The following GRIA2 variants were observed in gnomAD, a reference collection of about 807,000 sequenced individuals.
GRIA2 encodes the protein glutamate receptor 2.
GRIA2 carries 14 observed loss-of-function variants against 97.3 expected under a neutral mutation model. The observed-to-expected ratio is 0.14, with a 90% CI of 0.10 to 0.23. GRIA2 has a LOEUF of 0.23. GRIA2 is among the 10% of genes least tolerant of loss of function. The pLI is 1.00. For synonymous variants in GRIA2, 412 were observed against 387.8 expected (o/e 1.06, Z -0.73); for missense variants, 558 against 1,069.8 (o/e 0.52, Z 6.67).
intron 2 of GRIA2, among the ~76,000 whole-genome samples, chr4:157,225,899 G>A (rs928352012): frequency 2.6e-5 from 4 of 151,746 alleles, no homozygotes; most frequent in African/African-American, 9.7e-5. Flanking sequence ...GCAAATTTTA[G>A]GAAAATACTA....
At chr4:157,272,734 C>A (rs1416926152) in intron 2 of GRIA2, among the ~76,000 whole-genome samples, 1 of 152,050 alleles carries the variant, frequency 6.6e-6, no homozygotes, top group Non-Finnish European at 1.5e-5. Flanking sequence ...TTCACCAAAG[C>A]CTGATCTTTT....
At chr4:157,321,718 G>A (rs1440190097) in intron 6 of GRIA2, 119 bp downstream of exon 6, 9 of 633,308 alleles carry the variant, frequency 1.4e-5, no homozygotes, top group Non-Finnish European at 2.5e-5. Flanking sequence ...TCAAAATATG[G>A]CAAACATATT....
chr4:157,297,956 A>C (rs1733426027), intron 2 of GRIA2, among the ~76,000 whole-genome samples: 1 of 152,076 alleles, frequency 6.6e-6, no homozygotes, highest in South Asian at 2.1e-4. Flanking sequence ...GATGACAGCT[A>C]GGGTGATGAT....
intron 1 of GRIA2, chr4:157,221,464 C>A (rs1729489192): frequency 1.2e-5 from 7 of 591,904 alleles, no homozygotes; most frequent in South Asian, 2.2e-5. Flanking sequence ...GGCCGCCTAC[C>A]TCGCCTTCAG....
chr4:157,351,929 C>A (rs72962896), intron 12 of GRIA2, among the ~76,000 whole-genome samples: 1 of 152,202 alleles, frequency 6.6e-6, no homozygotes, highest in South Asian at 2.1e-4. Context: ...TTATAAATTA[C>A]GCAGTCTTGT....
At position 157,230,701 on chromosome 4, in the gene GRIA2, C is replaced by A. The variant is rs189295288; in HGVS notation, c.229+8894C>A. On this transcript the variant is annotated intron_variant, in intron 2 of 15. Coordinates refer to ENST00000264426, the MANE Select transcript of GRIA2 (RefSeq NM_001083619.3). ...CTTAGTTTGCATGTCTGTGGTCAAT[C>A]TTCTATATTAACCTTGAGCTACTAT... Among the ~76,000 whole-genome samples the A allele has an allele frequency of 2.0e-5, 3 of 151,822 alleles. No homozygotes were observed. In the East Asian group the frequency reaches 5.8e-4, roughly 29 times the overall value.
At chr4:157,237,289 G>GTT (rs541148827) in intron 2 of GRIA2, among the ~76,000 whole-genome samples, 8 of 142,360 alleles carry the variant, frequency 5.6e-5, no homozygotes, top group South Asian at 2.2e-4. Context: ...AAATGTATAA[G>GTT]TTTTTTTTTT....
chr4:157,247,195 C>A (rs1332505262), intron 2 of GRIA2, among the ~76,000 whole-genome samples: 2 of 152,100 alleles, frequency 1.3e-5, no homozygotes, highest in African/African-American at 4.8e-5. Flanking sequence ...TTGTGCCAGC[C>A]TCTGTTAGGA....
Position 157,365,861 on chromosome 4 carries a change from G to A in GRIA2, c.*2430G>A, listed in dbSNP as rs1378023456. On this transcript the variant is annotated 3_prime_UTR_variant, in exon 16 of 16. Coordinates refer to ENST00000264426, the MANE Select transcript of GRIA2 (RefSeq NM_001083619.3). ...ACTGTACTTTTTTGTTTACAGTATA[G>A]TACCTTATTTTCTGCTGTGTTAAGT... 6.6e-6 allele frequency: 1 copy of A among 151,670 alleles called. No individual in the cohort carries two copies. Among genetic ancestry groups the A allele is most frequent in the African/African-American group, 2.4e-5 (1 of 41,318 alleles). 9.4% of individuals were successfully genotyped at this position (151,670 alleles called of 1,614,324 possible). A position where few individuals can be genotyped will look rare whatever the true frequency, so the allele number is the denominator to read the frequency against.
chr4:157,290,466 T>C (rs1178202800), intron 2 of GRIA2, among the ~76,000 whole-genome samples: 3 of 150,456 alleles, frequency 2.0e-5, no homozygotes, highest in South Asian at 2.1e-4. Context: ...AAGATTCGTA[T>C]TCAAAAACTC....
chr4:157,341,528 C>T (rs933157533), intron 12 of GRIA2, 66 bp downstream of exon 12: 15 of 1,082,982 alleles, frequency 1.4e-5, no homozygotes, highest in Non-Finnish European at 1.7e-5. Context: ...AACTTTGTTT[C>T]CCTCCCATAG....
intron 2 of GRIA2, among the ~76,000 whole-genome samples, chr4:157,268,314 A>C (rs951707873): frequency 1.3e-5 from 2 of 152,042 alleles, no homozygotes; most frequent in African/African-American, 4.8e-5. Context: ...TTCATGTTCT[A>C]GAAGTTAATA....
intron 2 of GRIA2, among the ~76,000 whole-genome samples, chr4:157,270,878 C>A (rs1731990668): frequency 6.7e-6 from 1 of 150,310 alleles, no homozygotes; most frequent in Non-Finnish European, 1.5e-5. Flanking sequence ...ACTCTCAATT[C>A]AGTTGCTGGG....
At chr4:157,356,808 C>T (rs145326763) in intron 12 of GRIA2, among the ~76,000 whole-genome samples, 1 of 151,792 alleles carries the variant, frequency 6.6e-6, no homozygotes, top group African/African-American at 2.4e-5. Flanking sequence ...GGAGTGGATC[C>T]GATGATTGTA....
chr4:157,287,355 T>C (rs1262132382), intron 2 of GRIA2, among the ~76,000 whole-genome samples: 1 of 151,730 alleles, frequency 6.6e-6, no homozygotes, highest in Non-Finnish European at 1.5e-5. Flanking sequence ...GTAATATTGC[T>C]GTTTTTTATT....
intron 2 of GRIA2, among the ~76,000 whole-genome samples, chr4:157,227,023 C>T (rs577378616): frequency 3.3e-5 from 5 of 152,002 alleles, no homozygotes; most frequent in Admixed American, 2.0e-4. Context: ...AAAATGAGTG[C>T]GTATTAAGTA....
intron 4 of GRIA2, among the ~76,000 whole-genome samples, chr4:157,313,408 G>A (rs1734171177): frequency 1.3e-5 from 2 of 152,030 alleles, no homozygotes; most frequent in Admixed American, 1.3e-4. Flanking sequence ...TATGTAGGAA[G>A]GACACATTTG....
chr4:157,342,183 T>C (rs529541052), intron 12 of GRIA2: 1 of 968,210 alleles, frequency 1.0e-6, no homozygotes, highest in South Asian at 4.8e-5. Context: ...AGCCAATATA[T>C]GTGACATATA....
In GRIA2 at chr4:157,333,348, C is replaced by T. The variant is rs766785821; in HGVS notation, c.1150C>T (p.Arg384Trp). ...NIMELKTNGP[R>W]KIGYWSEVDK... The stretch of plus-strand genomic sequence containing the variant: ...CATGGAGCTCAAAACTAATGGGCCC[C>T]GGAAGGTAAATCCTTAGTGATTTAA... The change falls in exon 8 of 16, where the codon CGG becomes TGG. Residue 384 changes from arginine to tryptophan, a missense_variant. Arg to Trp is a moderately radical substitution (Grantham distance 101, BLOSUM62 -3). Transcript: ENST00000264426. 5.8e-6 allele frequency: 9 copies of T among 1,552,526 alleles called. No individual in the cohort carries two copies. Among genetic ancestry groups the T allele is most frequent in the Middle Eastern group, 3.5e-4 (2 of 5,712 alleles).
Sources: gnomAD v4.1 joint callset for allele counts (sites outside exome capture counted in the v4.1 genomes callset) on GRCh38, gnomAD v4.1.1 for gene constraint, MANE v1.5 for transcripts, NCBI Gene and HGNC (gene_info 2026-07-23, HGNC 2026-07-21) for gene names.